SORCS3: variants seen among roughly 807,000 people sequenced by gnomAD.
SORCS3 encodes the protein VPS10 domain-containing receptor SorCS3.
Under a neutral mutation model 146.3 loss-of-function variants are expected in SORCS3, and 57 were observed. The ratio of observed to expected loss-of-function variants is 0.39; its 90% CI spans 0.31 to 0.49. SORCS3 has a LOEUF of 0.49. Ranked by LOEUF, SORCS3 falls within the 20% of genes least tolerant of loss-of-function variation. The pLI, the probability that SORCS3 is intolerant of heterozygous loss-of-function variation, is 0.92. For missense variants in SORCS3, 1,341 were observed against 1,575.5 expected (o/e 0.85, Z 2.52); for synonymous variants, 653 against 618.5 (o/e 1.06, Z -0.83).
chr10:105,030,073 GTCT>G (rs1402778445), intron 4 of SORCS3, among the ~76,000 whole-genome samples: 1 of 152,210 alleles, frequency 6.6e-6, no homozygotes, highest in Non-Finnish European at 1.5e-5. Flanking sequence ...GGAATTTAAA[GTCT>G]TCTTCAAAAC....
intron 4 of SORCS3, among the ~76,000 whole-genome samples, chr10:104,994,435 A>G (rs1203131655): frequency 6.6e-6 from 1 of 152,218 alleles, no homozygotes; most frequent in Non-Finnish European, 1.5e-5. Flanking sequence ...TTTTTTAAAC[A>G]ACTTTATTGA....
chr10:104,653,239 C>A (rs746795000), intron 1 of SORCS3, among the ~76,000 whole-genome samples: 1 of 152,052 alleles, frequency 6.6e-6, no homozygotes, highest in African/African-American at 2.4e-5. Flanking sequence ...TCTGTTTTAC[C>A]GTGTGTTTCT....
rs1433105728 is a variant in SORCS3, at chr10:105,110,186, CT to C, written c.1212+4673del. Among the ~76,000 whole-genome samples the C allele has an allele frequency of 2.3e-3, 345 of 151,492 alleles. 1 individual carries two copies. Among genetic ancestry groups the C allele is most frequent in the African/African-American group, 7.8e-3 (324 of 41,312 alleles). On this transcript the variant is annotated intron_variant, in intron 7 of 26. Coordinates refer to ENST00000369701, the MANE Select transcript of SORCS3 (RefSeq NM_014978.3). Reference sequence around the variant, plus strand: ...TTTTCTTTTTCCTGTTTTTGTTTAACTTCTTTTCTGAGCTTTGCCAGTTTAT... The same window carrying C: ...TTTTCTTTTTCCTGTTTTTGTTTAACTCTTTTCTGAGCTTTGCCAGTTTAT...
intron 4 of SORCS3, among the ~76,000 whole-genome samples, chr10:105,016,599 A>G (rs10466175): frequency 0.11 from 16,081 of 152,166 alleles, 1,343 homozygotes; most frequent in African/African-American, 0.23. Flanking sequence ...ATAGCTGTCA[A>G]TTTTATAACG....
At chr10:104,792,440 T>C (rs892916723) in intron 1 of SORCS3, among the ~76,000 whole-genome samples, 12 of 152,366 alleles carry the variant, frequency 7.9e-5, no homozygotes, top group African/African-American at 2.6e-4. Context: ...CGTATCCCAT[T>C]CTGCTTTGCT....
At position 105,257,648 on chromosome 10, in the gene SORCS3, G is replaced by A. The variant is rs75304367; in HGVS notation, c.3443+724G>A. ...ATAAGATCCAATTTTAACTTTTAGC[G>A]TTTGTAACCTTGGGCAATTGTTATT... On this transcript the variant is annotated intron_variant, in intron 25 of 26. Transcript: ENST00000369701. Among the ~76,000 whole-genome samples, 131 of 152,218 alleles carry A rather than the reference G, an allele frequency of 8.6e-4. 1 individual carries two copies. The East Asian group carries it at 0.019, about 22-fold the overall frequency.
intron 1 of SORCS3, among the ~76,000 whole-genome samples, chr10:104,813,474 G>C (rs984144222): frequency 6.6e-6 from 1 of 152,188 alleles, no homozygotes; most frequent in African/African-American, 2.4e-5. Context: ...ACTCAGTTCA[G>C]TGATGGGATC....
chr10:104,906,897 C>T (rs2133593899), intron 2 of SORCS3, among the ~76,000 whole-genome samples: 1 of 152,292 alleles, frequency 6.6e-6, no homozygotes, highest in East Asian at 1.9e-4. Flanking sequence ...CTACCTAACC[C>T]CAGCCCACCC....
chr10:104,988,449 A>C (rs2054974775), intron 4 of SORCS3, among the ~76,000 whole-genome samples: 1 of 152,176 alleles, frequency 6.6e-6, no homozygotes, highest in African/African-American at 2.4e-5. Flanking sequence ...GCTGATGATA[A>C]GACATAGGAC....
chr10:105,034,070 G>A (rs777846572), intron 4 of SORCS3, among the ~76,000 whole-genome samples: 19 of 152,146 alleles, frequency 1.2e-4, no homozygotes, highest in Non-Finnish European at 1.6e-4. Flanking sequence ...TAGAAAGGAA[G>A]ATATACATTG....
intron 7 of SORCS3, among the ~76,000 whole-genome samples, chr10:105,134,909 A>C (rs2056048618): frequency 6.6e-6 from 1 of 152,164 alleles, no homozygotes; most frequent in Non-Finnish European, 1.5e-5. Flanking sequence ...ACTCAAGGAG[A>C]TTCATCCTGA....
At chr10:104,820,696 A>G (rs982579852) in intron 1 of SORCS3, among the ~76,000 whole-genome samples, 2 of 152,234 alleles carry the variant, frequency 1.3e-5, no homozygotes, top group Admixed American at 6.5e-5. Context: ...TCAAAATTAA[A>G]TGTGAACTAT....
chr10:104,696,058 ATAT>A (rs1468615036), intron 1 of SORCS3, among the ~76,000 whole-genome samples: 3 of 122,414 alleles, frequency 2.5e-5, no homozygotes, highest in Non-Finnish European at 4.9e-5. Flanking sequence ...TCATATACAC[ATAT>A]TATATATAAT....
chr10:104,842,798 C>G lies in SORCS3; in HGVS notation c.634C>G (p.Leu212Val), dbSNP rs756883183. 1 of 1,613,730 alleles carries G rather than the reference C, an allele frequency of 6.2e-7. No homozygotes were observed. The highest frequency in any genetic ancestry group is 8.5e-7 in the Non-Finnish European group (1 of 1,179,722). The change falls in exon 2 of 27, where the codon CTT becomes GTT. Residue 212 changes from leucine (L) to valine (V), a missense_variant. By Grantham distance (32) the Leu-to-Val change is conservative (BLOSUM62 1). Transcript: ENST00000369701. ...HWSGHNSSVI[L>V]ILTKLYDFNL... ...TATCCCCAACCCCTTGCAGGTCATA[C>G]TTATCCTGACGAAGCTGTATGACTT...
intron 4 of SORCS3, among the ~76,000 whole-genome samples, chr10:105,011,150 C>T (rs1589592980): frequency 6.6e-6 from 1 of 152,302 alleles, no homozygotes; most frequent in East Asian, 1.9e-4. Context: ...ATGTGCTCCT[C>T]TCTGTGCCTG....
At position 104,831,862 on chromosome 10, in the gene SORCS3, G is replaced by T. The variant is rs111585076; in HGVS notation, c.628-10930G>T. ...AGCAAGTAGGTGATGGGGGAGGGGG[G>T]TGTGGAATAGGGAATCCTGCATTCT... On this transcript the variant is annotated intron_variant, in intron 1 of 26. Transcript: ENST00000369701. 7.9e-4 allele frequency among the ~76,000 whole-genome samples: 121 copies of T among 152,272 alleles called. 1 individual carries two copies. Among genetic ancestry groups the T allele is most frequent in the African/African-American group, 2.7e-3 (114 of 41,558 alleles).
intron 2 of SORCS3, among the ~76,000 whole-genome samples, chr10:104,897,496 A>G (rs2018810103): frequency 1.3e-5 from 2 of 152,242 alleles, no homozygotes; most frequent in African/African-American, 4.8e-5. Context: ...TCAAAAGACA[A>G]TTTTATAGAT....
At chr10:104,882,691 A>G (rs2018643261) in intron 2 of SORCS3, among the ~76,000 whole-genome samples, 1 of 152,102 alleles carries the variant, frequency 6.6e-6, no homozygotes, top group African/African-American at 2.4e-5. Context: ...ATACACTATG[A>G]TTTTTTATTT....
At chr10:104,805,687 G>A (rs1277278474) in intron 1 of SORCS3, among the ~76,000 whole-genome samples, 1 of 152,008 alleles carries the variant, frequency 6.6e-6, no homozygotes, top group Non-Finnish European at 1.5e-5. Flanking sequence ...AGTAGGGAAG[G>A]GACCTGATGC....
Sources: gnomAD v4.1 joint callset for allele counts (sites outside exome capture counted in the v4.1 genomes callset) on GRCh38, gnomAD v4.1.1 for gene constraint, MANE v1.5 for transcripts, NCBI Gene and HGNC (gene_info 2026-07-23, HGNC 2026-07-21) for gene names.